Variants in WDR7 observed in about 807,000 individuals in gnomAD.
WDR7 encodes WD repeat-containing protein 7.
Under a neutral mutation model 169.4 loss-of-function variants are expected in WDR7, and 46 were observed. That is an observed-to-expected ratio of 0.27 (90% confidence interval 0.21 to 0.35). WDR7 has a LOEUF of 0.35. WDR7 is among the 10% of genes least tolerant of loss of function. The pLI is 1.00. For synonymous variants in WDR7, 612 were observed against 666.8 expected (o/e 0.92, Z 1.27); for missense variants, 1,534 against 1,859.3 (o/e 0.83, Z 3.22).
intron 16 of WDR7, among the ~76,000 whole-genome samples, chr18:56,773,186 G>A (rs2044190738): frequency 6.6e-6 from 1 of 152,104 alleles, no homozygotes; most frequent in Non-Finnish European, 1.5e-5. Flanking sequence ...ATGAGGCAGG[G>A]TTCCTGAAAT....
intron 26 of WDR7, among the ~76,000 whole-genome samples, chr18:57,008,164 C>A (rs1374105178): frequency 1.3e-5 from 2 of 152,150 alleles, no homozygotes; most frequent in Non-Finnish European, 2.9e-5. Context: ...TTTGTGCCTT[C>A]CCTGTCCAGG....
intron 26 of WDR7, among the ~76,000 whole-genome samples, chr18:57,015,554 T>C (rs1349693581): frequency 6.6e-6 from 1 of 152,210 alleles, no homozygotes; most frequent in Non-Finnish European, 1.5e-5. Context: ...CAGAGCGATG[T>C]CTTTGTCTTC....
At chr18:56,839,169 G>A (rs9960762) in intron 20 of WDR7, among the ~76,000 whole-genome samples, 8,162 of 151,906 alleles carry the variant, frequency 0.054, 756 homozygotes, top group African/African-American at 0.19. Flanking sequence ...CATATTTTTA[G>A]GTACATGTGA....
intron 19 of WDR7, among the ~76,000 whole-genome samples, chr18:56,789,585 G>A (rs377254846): frequency 8.5e-5 from 13 of 152,316 alleles, no homozygotes; most frequent in African/African-American, 3.1e-4. Context: ...GGAGATGGGG[G>A]AGTCCATCCA....
intron 25 of WDR7, among the ~76,000 whole-genome samples, chr18:56,944,250 C>G (rs185455021): frequency 4.6e-5 from 7 of 152,134 alleles, no homozygotes; most frequent in Non-Finnish European, 7.4e-5. Flanking sequence ...GCTCGTCCTC[C>G]CAAAGTGCTG....
intron 19 of WDR7, among the ~76,000 whole-genome samples, chr18:56,802,098 T>A (rs2044683576): frequency 6.6e-6 from 1 of 152,234 alleles, no homozygotes; most frequent in South Asian, 2.1e-4. Flanking sequence ...CCTATTGCTC[T>A]GCATCTTTGT....
At chr18:56,799,120 G>T (rs893250331) in intron 19 of WDR7, among the ~76,000 whole-genome samples, 9 of 152,154 alleles carry the variant, frequency 5.9e-5, no homozygotes, top group African/African-American at 2.2e-4. Context: ...AAACAGTGCA[G>T]TAAGAACTAT....
chr18:56,761,935 C>G (rs1480017594), intron 16 of WDR7, among the ~76,000 whole-genome samples: 2 of 151,894 alleles, frequency 1.3e-5, no homozygotes, highest in African/African-American at 4.8e-5. Context: ...TAACCTTTTC[C>G]CAGTTTCAAA....
At chr18:56,759,760 C>CT (rs566903249) in intron 16 of WDR7, among the ~76,000 whole-genome samples, 8 of 151,980 alleles carry the variant, frequency 5.3e-5, no homozygotes, top group Middle Eastern at 3.2e-3. Flanking sequence ...TTCTTCCCTA[C>CT]TTTTTTTTAA....
In WDR7 at chr18:56,672,211, T is replaced by A. The variant is rs540938232; in HGVS notation, c.-19-286T>A. On this transcript the variant is annotated intron_variant, in intron 1 of 27. Transcript: ENST00000254442. ...ACTGAAGTCATTGGCCTTTTATTAG[T>A]AAATTTTAAAAACTGTGAATGCCTG... 2.6e-5 allele frequency among the ~76,000 whole-genome samples: 4 copies of A among 152,290 alleles called. No homozygotes were observed. In the South Asian group the frequency reaches 8.3e-4, roughly 32 times the overall value.
chr18:56,805,738 T>A (rs2145176900), intron 19 of WDR7, among the ~76,000 whole-genome samples: 1 of 152,282 alleles, frequency 6.6e-6, no homozygotes, highest in South Asian at 2.1e-4. Flanking sequence ...CTAGCAACCT[T>A]GTAATTATAT....
intron 12 of WDR7, among the ~76,000 whole-genome samples, chr18:56,702,080 T>C (rs967098214): frequency 6.6e-6 from 1 of 152,130 alleles, no homozygotes; most frequent in Non-Finnish European, 1.5e-5. Context: ...AGTGTACCAG[T>C]TGCCTGGGGA....
At chr18:56,659,771 G>A (rs1321171827) in intron 1 of WDR7, among the ~76,000 whole-genome samples, 1 of 152,104 alleles carries the variant, frequency 6.6e-6, no homozygotes, top group Non-Finnish European at 1.5e-5. Flanking sequence ...CACTCATATA[G>A]GATAGGCAGT....
chr18:57,006,342 GTTA>G (rs1241921648), intron 26 of WDR7, among the ~76,000 whole-genome samples: 1 of 151,582 alleles, frequency 6.6e-6, no homozygotes, highest in Non-Finnish European at 1.5e-5. Flanking sequence ...CAAGATTGTA[GTTA>G]TTTAGATAGC....
At chr18:56,764,407 T>G (rs2044029047) in intron 16 of WDR7, among the ~76,000 whole-genome samples, 1 of 152,166 alleles carries the variant, frequency 6.6e-6, no homozygotes, top group South Asian at 2.1e-4. Context: ...CAATTGATTG[T>G]GTTTATATAT....
At chr18:56,810,421 C>T (rs2044848726) in intron 19 of WDR7, among the ~76,000 whole-genome samples, 1 of 151,928 alleles carries the variant, frequency 6.6e-6, no homozygotes, top group Non-Finnish European at 1.5e-5. Context: ...TTTTGCTGAT[C>T]TTTAAAAAAT....
intron 26 of WDR7, among the ~76,000 whole-genome samples, chr18:56,990,677 T>C (rs1010451363): frequency 5.9e-5 from 9 of 152,198 alleles, no homozygotes; most frequent in Admixed American, 2.6e-4. Flanking sequence ...AAGGCTGAGT[T>C]GATGTAAATG....
chr18:56,991,618 G>A (rs2047820446), intron 26 of WDR7, among the ~76,000 whole-genome samples: 1 of 152,196 alleles, frequency 6.6e-6, no homozygotes, highest in African/African-American at 2.4e-5. Flanking sequence ...CACTGAGCCT[G>A]TGGGCAGTCC....
At chr18:56,885,057 T>C (rs1048464848) in intron 21 of WDR7, among the ~76,000 whole-genome samples, 1 of 152,018 alleles carries the variant, frequency 6.6e-6, no homozygotes, top group Non-Finnish European at 1.5e-5. Context: ...ACAGTTTGGC[T>C]CTCAGGAAGC....
Sources: gnomAD v4.1 joint callset for allele counts (sites outside exome capture counted in the v4.1 genomes callset) on GRCh38, gnomAD v4.1.1 for gene constraint, MANE v1.5 for transcripts, NCBI Gene and HGNC (gene_info 2026-07-23, HGNC 2026-07-21) for gene names.